EIF4G3: variants seen among roughly 807,000 people sequenced by gnomAD.
The protein encoded by EIF4G3 is eIF-4-gamma 3.
EIF4G3 carries 34 observed loss-of-function variants against 186.4 expected under a neutral mutation model. The observed-to-expected ratio is 0.18, with a 90% CI of 0.14 to 0.24. The LOEUF is 0.24. Among genes scored for constraint, EIF4G3 ranks in the 10% least tolerant of loss-of-function variants. EIF4G3 has a pLI of 1.00. For synonymous variants in EIF4G3, 673 were observed against 679.5 expected (o/e 0.99, Z 0.15); for missense variants, 1,536 against 1,948.5 (o/e 0.79, Z 3.99).
intron 2 of EIF4G3, among the ~76,000 whole-genome samples, chr1:21,110,358 C>T (rs991434174): frequency 6.6e-6 from 1 of 151,354 alleles, no homozygotes; most frequent in Non-Finnish European, 1.5e-5. Context: ...TGCAGTGACG[C>T]AATCGCGGCT....
chr1:20,848,809 A>G (rs557246668), intron 29 of EIF4G3, among the ~76,000 whole-genome samples: 1 of 152,092 alleles, frequency 6.6e-6, no homozygotes, highest in Admixed American at 6.5e-5. Context: ...GCACTTTGGG[A>G]GTCCGAGGTG....
intron 20 of EIF4G3, among the ~76,000 whole-genome samples, chr1:20,865,948 T>G (rs1473770070): frequency 1.3e-5 from 2 of 152,220 alleles, no homozygotes; most frequent in Non-Finnish European, 2.9e-5. Context: ...AGGTTACTTG[T>G]AACCAAACAC....
chr1:20,832,399 A>C, intron 30 of EIF4G3, among the ~76,000 whole-genome samples: 1 of 53,856 alleles, frequency 1.9e-5, no homozygotes, highest in Non-Finnish European at 4.5e-5. Context: ...TGGCTGCATA[A>C]ATGTCTTCTT....
intron 3 of EIF4G3, among the ~76,000 whole-genome samples, chr1:21,056,648 G>C (rs2094573727): frequency 1.3e-5 from 2 of 152,060 alleles, no homozygotes; most frequent in South Asian, 2.1e-4. Flanking sequence ...ATCTAGCTAA[G>C]GGTTCTTCTC....
intron 14 of EIF4G3, among the ~76,000 whole-genome samples, chr1:20,905,479 T>G (rs1472694053): frequency 6.6e-6 from 1 of 152,218 alleles, no homozygotes; most frequent in East Asian, 1.9e-4. Flanking sequence ...TCAATTAAGG[T>G]TTCATTAGAT....
At chr1:20,942,359 T>G in intron 13 of EIF4G3, 29 bp from the exon 14 acceptor site, 1 of 1,529,690 alleles carries the variant, frequency 6.5e-7, no homozygotes, top group Admixed American at 2.2e-5. Context: ...GTTTTAAGAA[T>G]AATTCTTGGA....
Position 20,879,322 on chromosome 1 carries a change from C to A in EIF4G3, c.2622+1G>T. 6.3e-7 allele frequency: 1 copy of A among 1,586,572 alleles called. No individual in the cohort carries two copies. The highest frequency in any genetic ancestry group is 8.6e-7 in the Non-Finnish European group (1 of 1,166,668). ...CGTTTTACTCCTTCCTCTCTTCTTA[C>A]CGTTACTAGACATCGACACATGTTT... On this transcript the variant is annotated splice_donor_variant, in intron 20 of 36. Coordinates refer to ENST00000602326, the MANE Select transcript of EIF4G3 (RefSeq NM_001391906.1). LOFTEE classifies it high-confidence loss of function.
intron 30 of EIF4G3, among the ~76,000 whole-genome samples, chr1:20,835,045 A>T (rs2066344646): frequency 1.1e-5 from 1 of 88,292 alleles, no homozygotes; most frequent in African/African-American, 3.6e-5. Flanking sequence ...TCACAATGCA[A>T]TAAAACTTGA....
At chr1:20,896,802 T>C (rs946445137) in intron 16 of EIF4G3, among the ~76,000 whole-genome samples, 2 of 152,196 alleles carry the variant, frequency 1.3e-5, no homozygotes, top group South Asian at 4.1e-4. Context: ...TTACTATACC[T>C]TTTCTATGTT....
chr1:20,970,569 C>T (rs1266837890), intron 11 of EIF4G3, among the ~76,000 whole-genome samples: 3 of 151,936 alleles, frequency 2.0e-5, no homozygotes, highest in South Asian at 2.1e-4. Context: ...GCCAAGATCG[C>T]GCCACTGCAC....
intron 3 of EIF4G3, among the ~76,000 whole-genome samples, chr1:21,083,087 G>A (rs1170491808): frequency 7.9e-5 from 10 of 126,362 alleles, no homozygotes; most frequent in Admixed American, 3.9e-4. Context: ...TAAAAAATTA[G>A]CTGGGCACGG....
chr1:21,061,933 G>A (rs2094940373), intron 3 of EIF4G3, among the ~76,000 whole-genome samples: 1 of 151,392 alleles, frequency 6.6e-6, no homozygotes, highest in Non-Finnish European at 1.5e-5. Flanking sequence ...TTTTTAATAG[G>A]ACAAGATTTC....
At chr1:21,082,555 C>A (rs552042066) in intron 3 of EIF4G3, among the ~76,000 whole-genome samples, 15 of 152,184 alleles carry the variant, frequency 9.9e-5, no homozygotes, top group African/African-American at 3.1e-4. Context: ...CACTGCACTT[C>A]AGCCTGGGTG....
Position 21,138,594 on chromosome 1 carries a change from G to A in EIF4G3, c.-272+37581C>T, listed in dbSNP as rs139760672. Among the ~76,000 whole-genome samples the A allele has an allele frequency of 5.1e-3, 779 of 152,212 alleles. 7 individuals are homozygous for A. The highest frequency in any genetic ancestry group is 0.018 in the African/African-American group (748 of 41,548). On this transcript the variant is annotated intron_variant, in intron 2 of 36. Coordinates refer to ENST00000602326, the MANE Select transcript of EIF4G3 (RefSeq NM_001391906.1). The stretch of plus-strand genomic sequence containing the variant: ...ACACCCTGGGAGACTGAGGCAGGTA[G>A]ATCACTTCAGGTCAGTAGCGCAAGG...
intron 2 of EIF4G3, among the ~76,000 whole-genome samples, chr1:21,118,909 C>A (rs1572838174): frequency 1.0e-5 from 1 of 97,878 alleles, no homozygotes; most frequent in Non-Finnish European, 1.9e-5. Flanking sequence ...GCCTAGGCAA[C>A]ATACTGAGAA....
chr1:20,812,646 CCCTAAT>C (rs1294117349), intron 35 of EIF4G3, among the ~76,000 whole-genome samples: 1 of 152,090 alleles, frequency 6.6e-6, no homozygotes, highest in Non-Finnish European at 1.5e-5. Context: ...TTTCTACTGA[CCCTAAT>C]CCTATCAATA....
intron 14 of EIF4G3, among the ~76,000 whole-genome samples, chr1:20,911,393 C>T (rs998488212): frequency 4.0e-5 from 6 of 151,184 alleles, no homozygotes; most frequent in African/African-American, 1.5e-4. Context: ...AAAAGTGAGA[C>T]CTCTACAAAA....
chr1:20,902,456 T>C lies in EIF4G3; in HGVS notation c.1752+2427A>G, dbSNP rs914405848. Among the ~76,000 whole-genome samples, 20 of 152,190 alleles carry C rather than the reference T, an allele frequency of 1.3e-4. No homozygotes were observed. In the South Asian group the frequency reaches 3.9e-3, roughly 30 times the overall value. On this transcript the variant is annotated intron_variant, in intron 15 of 36. Transcript: ENST00000602326. ...ACCAGAAACAAATTATTTTAAAAGC[T>C]GACAAAATAAATCTAAGAAAGGGGG...
intron 22 of EIF4G3, among the ~76,000 whole-genome samples, chr1:20,863,230 C>A (rs557155937): frequency 1.3e-5 from 2 of 152,000 alleles, no homozygotes; most frequent in East Asian, 3.9e-4. Context: ...CTTCCTAGGG[C>A]CTTCCTAAAG....
Sources: gnomAD v4.1 joint callset for allele counts (sites outside exome capture counted in the v4.1 genomes callset) on GRCh38, gnomAD v4.1.1 for gene constraint, MANE v1.5 for transcripts, NCBI Gene and HGNC (gene_info 2026-07-23, HGNC 2026-07-21) for gene names.